ZFAT: variants seen among roughly 807,000 people sequenced by gnomAD.
The protein encoded by ZFAT is zinc finger protein ZFAT.
In ZFAT, 64 loss-of-function variants were observed where a neutral mutation model predicts 117.7. That is an observed-to-expected ratio of 0.54 (90% CI 0.44 to 0.67). ZFAT has a LOEUF of 0.67. Ranked by LOEUF, ZFAT falls within the 30% of genes least tolerant of loss-of-function variation. The probability of loss-of-function intolerance (pLI) is 0.00; values close to 1 mark genes in which losing one functional copy is unlikely to be tolerated. For synonymous variants in ZFAT, 679 were observed against 615.0 expected (o/e 1.10, Z -1.54); for missense variants, 1,433 against 1,584.5 (o/e 0.90, Z 1.62).
chr8:134,572,331 G>GT (rs1168832218), intron 10 of ZFAT, among the ~76,000 whole-genome samples: 8 of 152,214 alleles, frequency 5.3e-5, no homozygotes, highest in African/African-American at 1.9e-4. Context: ...TATGAACATT[G>GT]TTTTCGTGCT....
intron 3 of ZFAT, among the ~76,000 whole-genome samples, chr8:134,622,641 C>G (rs534246496): frequency 3.3e-5 from 5 of 152,154 alleles, no homozygotes; most frequent in South Asian, 2.1e-4. Context: ...GCCCCTCCCC[C>G]CTCTCCACCC....
the ZFAT span, among the ~76,000 whole-genome samples, chr8:134,724,624 C>A: frequency 1.3e-5 from 2 of 152,104 alleles, no homozygotes; most frequent in African/African-American, 4.8e-5. Flanking sequence ...GCCAACTGGT[C>A]TCGGGTGGTC....
At chr8:134,616,866 TG>T (rs1828781242) in intron 3 of ZFAT, among the ~76,000 whole-genome samples, 1 of 152,126 alleles carries the variant, frequency 6.6e-6, no homozygotes, top group East Asian at 1.9e-4. Flanking sequence ...TCTGGACAAT[TG>T]ATGAATCTCC....
chr8:134,782,848 C>T, the ZFAT span, among the ~76,000 whole-genome samples: 1 of 152,064 alleles, frequency 6.6e-6, no homozygotes. Flanking sequence ...TGGACTAATA[C>T]ACCCTGCATC....
chr8:134,768,896 G>A, the ZFAT span, among the ~76,000 whole-genome samples: 1 of 152,082 alleles, frequency 6.6e-6, no homozygotes, highest in African/African-American at 2.4e-5. Context: ...CCAAAGGTCG[G>A]GCATAGTGGC....
chr8:134,649,568 C>A (rs980087743), intron 2 of ZFAT, among the ~76,000 whole-genome samples: 21 of 152,090 alleles, frequency 1.4e-4, no homozygotes, highest in African/African-American at 4.8e-4. Flanking sequence ...TAGCAATGAG[C>A]AATCTGAAAA....
At chr8:134,702,498 T>C (rs1023905296) in intron 1 of ZFAT, among the ~76,000 whole-genome samples, 1 of 152,138 alleles carries the variant, frequency 6.6e-6, no homozygotes, top group Admixed American at 6.5e-5. Context: ...GTTCTGATGA[T>C]AGTTAATAAG....
rs1045002350 is a variant in ZFAT at position 134,510,496 on chromosome 8, C to T, written c.3362-747G>A. The stretch of plus-strand genomic sequence containing the variant: ...GCTTTCTGTGGGCCGTGTTCCAATG[C>T]GAGTCAATCAATAAGAGATCAGAGA... On this transcript the variant is annotated intron_variant, in intron 14 of 15. Coordinates refer to ENST00000377838, the MANE Select transcript of ZFAT (RefSeq NM_020863.4). 1.4e-4 allele frequency among the ~76,000 whole-genome samples: 21 copies of T among 152,218 alleles called. 1 individual carries two copies. The highest frequency in any genetic ancestry group is 4.3e-4 in the African/African-American group (18 of 41,534).
chr8:134,821,441 T>G, the ZFAT span, among the ~76,000 whole-genome samples: 1 of 152,112 alleles, frequency 6.6e-6, no homozygotes, highest in Non-Finnish European at 1.5e-5. Context: ...AAGTAGTCAG[T>G]TCAGTTCTGG....
chr8:134,774,018 G>A, the ZFAT span, among the ~76,000 whole-genome samples: 3 of 94,534 alleles, frequency 3.2e-5, no homozygotes, highest in African/African-American at 1.0e-4. Flanking sequence ...TTTTTGAGAC[G>A]GCATTTCACT....
the ZFAT span, among the ~76,000 whole-genome samples, chr8:134,761,614 C>A: frequency 5.9e-5 from 9 of 151,974 alleles, no homozygotes; most frequent in African/African-American, 2.2e-4. Flanking sequence ...GCAGGAGAAT[C>A]GCTTGAACCT....
At chr8:134,831,704 T>G in the ZFAT span, among the ~76,000 whole-genome samples, 14 of 150,338 alleles carry the variant, frequency 9.3e-5, no homozygotes, top group East Asian at 2.6e-3. Flanking sequence ...GGGGCCCACC[T>G]GCCTCCCGCC....
Position 134,641,722 on chromosome 8 carries a change from T to A in ZFAT, c.197-4010A>T, listed in dbSNP as rs73711291. 6.5e-3 allele frequency among the ~76,000 whole-genome samples: 985 copies of A among 152,334 alleles called. 5 individuals carry two copies. The highest frequency in any genetic ancestry group is 0.022 in the African/African-American group (932 of 41,574). On this transcript the variant is annotated intron_variant, in intron 2 of 15. Coordinates refer to ENST00000377838, the MANE Select transcript of ZFAT (RefSeq NM_020863.4). ...AAGTACACACTGATCCACTGTTTGATGATAGAAAAAGAAATATCTGGAAAA... is the reference window on the plus strand; with the variant it reads ...AAGTACACACTGATCCACTGTTTGAAGATAGAAAAAGAAATATCTGGAAAA...
chr8:134,603,767 A>G (rs1827688835), intron 5 of ZFAT, among the ~76,000 whole-genome samples: 1 of 152,172 alleles, frequency 6.6e-6, no homozygotes, highest in Non-Finnish European at 1.5e-5. Flanking sequence ...GCCTGGCTGG[A>G]GCAATCCAGG....
intron 9 of ZFAT, 71 bp downstream of exon 9, chr8:134,588,175 A>G: frequency 6.7e-7 from 1 of 1,482,814 alleles, no homozygotes; most frequent in Non-Finnish European, 9.0e-7. Context: ...CTTCCTCTTA[A>G]TGTACTCCCA....
chr8:134,743,071 C>T, the ZFAT span, among the ~76,000 whole-genome samples: 3 of 152,378 alleles, frequency 2.0e-5, no homozygotes, highest in East Asian at 1.9e-4. Context: ...CAAGACTACA[C>T]AAAAAGTGGC....
Position 134,499,835 on chromosome 8 carries a change from C to T in ZFAT, c.3492+9784G>A, listed in dbSNP as rs550465725. On this transcript the variant is annotated intron_variant, in intron 15 of 15. Coordinates refer to ENST00000377838, the MANE Select transcript of ZFAT (RefSeq NM_020863.4). ...CCCCTTGTGAAGCAGGAGGCCACCACATGTGCTGACAGGGCAGACGTCCGG... is the reference window on the plus strand; with the variant it reads ...CCCCTTGTGAAGCAGGAGGCCACCATATGTGCTGACAGGGCAGACGTCCGG... 3.1e-4 allele frequency among the ~76,000 whole-genome samples: 47 copies of T among 152,350 alleles called. No homozygotes were observed. The East Asian group carries it at 6.2e-3, about 20-fold the overall frequency.
the ZFAT span, chr8:134,765,410 A>G: frequency 6.6e-6 from 1 of 152,174 alleles, no homozygotes; most frequent in African/African-American, 2.4e-5. Context: ...TGGTGGGAAT[A>G]ATTACACTAT....
At chr8:134,524,961 G>C (rs1427110115) in intron 12 of ZFAT, among the ~76,000 whole-genome samples, 1 of 152,166 alleles carries the variant, frequency 6.6e-6, no homozygotes. Flanking sequence ...AATGACACAG[G>C]CATGCTTAGC....
Sources: gnomAD v4.1 joint callset for allele counts (sites outside exome capture counted in the v4.1 genomes callset) on GRCh38, gnomAD v4.1.1 for gene constraint, MANE v1.5 for transcripts, NCBI Gene and HGNC (gene_info 2026-07-23, HGNC 2026-07-21) for gene names.